The following SAAL1 variants were observed in gnomAD, a reference collection of about 807,000 sequenced individuals.
The protein encoded by SAAL1 is serum amyloid A like 1, also known as protein SAAL1.
SAAL1 carries 42 observed loss-of-function variants against 59.8 expected under a neutral mutation model. The ratio of observed to expected loss-of-function variants is 0.70; its 90% CI spans 0.55 to 0.91. The LOEUF is 0.91. Among genes scored for constraint, SAAL1 ranks in the 40% least tolerant of loss-of-function variants. The pLI, the probability that SAAL1 is intolerant of heterozygous loss-of-function variation, is 0.00. For synonymous variants in SAAL1, 191 were observed against 194.3 expected (o/e 0.98, Z 0.14); for missense variants, 542 against 561.1 (o/e 0.97, Z 0.34).
At chr11:18,090,321 T>C in intron 5 of SAAL1, 31 bp from the exon 6 acceptor site, 1 of 1,552,286 alleles carries the variant, frequency 6.4e-7, no homozygotes, top group Middle Eastern at 1.7e-4. Context: ...GAATTTCTAC[T>C]TTTCAAAAAA....
chr11:18,105,518 C>G (rs1848679747), intron 1 of SAAL1, among the ~76,000 whole-genome samples: 1 of 152,020 alleles, frequency 6.6e-6, no homozygotes, highest in African/African-American at 2.4e-5. Context: ...CTAAAGTCAC[C>G]ATTTATTCTA....
In SAAL1 at chr11:18,089,398, C is replaced by T; in HGVS notation, c.702G>A (p.Gln234=). The T allele has an allele frequency of 1.2e-6, 2 of 1,608,906 alleles. No individual in the cohort carries two copies. Among genetic ancestry groups the T allele is most frequent in the Non-Finnish European group, 1.7e-6 (2 of 1,178,312 alleles). The change falls in exon 7 of 12, where the codon CAG becomes CAA. Residue 234 remains glutamine, a synonymous_variant. Coordinates refer to ENST00000524803, the MANE Select transcript of SAAL1 (RefSeq NM_138421.3). ...ACACTGGCTGCTCTTCAGACTCTTC[C>T]TGGGGTTGGTCCAGAGGCTGAGCAG... ...NGAAQPLDQP[Q]EESEEQPVFR...
chr11:18,105,133 A>G (rs1017420461), intron 1 of SAAL1, among the ~76,000 whole-genome samples: 4 of 152,014 alleles, frequency 2.6e-5, no homozygotes, highest in African/African-American at 9.7e-5. Context: ...AGAGGTTCTG[A>G]GCCGTTAGGT....
intron 6 of SAAL1, 115 bp downstream of exon 6, chr11:18,090,060 T>C: frequency 2.0e-6 from 2 of 982,970 alleles, no homozygotes; most frequent in South Asian, 3.7e-5. Flanking sequence ...ACAAACTTCA[T>C]TACCTTGCAC....
At chr11:18,101,279 T>C (rs1848630668) in intron 2 of SAAL1, among the ~76,000 whole-genome samples, 1 of 152,184 alleles carries the variant, frequency 6.6e-6, no homozygotes, top group African/African-American at 2.4e-5. Flanking sequence ...CCACTTGATA[T>C]ATGGTCTGGC....
chr11:18,081,699 GCAC>G lies in SAAL1; in HGVS notation c.1240-199_1240-197del, dbSNP rs375626941. 1,487 of 570,540 alleles carry G rather than the reference GCAC, an allele frequency of 2.6e-3. 19 individuals carry two copies. Among genetic ancestry groups the G allele is most frequent in the African/African-American group, 0.025 (1,337 of 53,296 alleles). 35.3% of individuals were successfully genotyped at this position (570,540 alleles called of 1,614,324 possible). ...ACTGTCGTCTTTACTTTAGTGAAGG[GCAC>G]CACCATCCACCCTGCTACACAGACT... On this transcript the variant is annotated intron_variant, in intron 10 of 11. Transcript: ENST00000524803.
intron 9 of SAAL1, 40 bp downstream of exon 9, chr11:18,086,826 T>C: frequency 7.6e-7 from 1 of 1,307,958 alleles, no homozygotes; most frequent in Non-Finnish European, 1.0e-6. Flanking sequence ...GAGAAATAAA[T>C]GAAATGAAAA....
intron 4 of SAAL1, among the ~76,000 whole-genome samples, chr11:18,091,129 TC>T (rs1329703217): frequency 6.6e-6 from 1 of 152,220 alleles, no homozygotes; most frequent in Non-Finnish European, 1.5e-5. Flanking sequence ...TTTCAAGCAA[TC>T]CTCCTACAAT....
chr11:18,098,072 G>A (rs770511753), intron 2 of SAAL1, among the ~76,000 whole-genome samples: 11 of 152,138 alleles, frequency 7.2e-5, no homozygotes, highest in South Asian at 4.1e-4. Context: ...GCTTGAACCC[G>A]TGAGGCAGAG....
At chr11:18,082,382 A>G (rs1467060356) in intron 10 of SAAL1, among the ~76,000 whole-genome samples, 1 of 152,208 alleles carries the variant, frequency 6.6e-6, no homozygotes, top group Non-Finnish European at 1.5e-5. Context: ...TATTACCTGA[A>G]CTTTGACATA....
At chr11:18,081,658 C>A in intron 10 of SAAL1, 155 bp from the exon 11 acceptor site, 1 of 614,994 alleles carries the variant, frequency 1.6e-6, no homozygotes, top group East Asian at 2.8e-5. Flanking sequence ...GCTTATGTAA[C>A]CCAAACATGT....
At chr11:18,090,665 C>A in intron 4 of SAAL1, 172 bp from the exon 5 acceptor site, 1 of 664,748 alleles carries the variant, frequency 1.5e-6, no homozygotes, top group Non-Finnish European at 2.4e-6. Context: ...ACTCGTGTTT[C>A]CAAGAAACAG....
rs117659893 is a variant in SAAL1, at chr11:18,103,441, G to A, written c.136-95C>T. ...GCAGGTGATCAAATAACATTTCCTCGTAACGCTGATGAGAAAAAAATTTGA... is the reference window on the plus strand; with the variant it reads ...GCAGGTGATCAAATAACATTTCCTCATAACGCTGATGAGAAAAAAATTTGA... On this transcript the variant is annotated intron_variant, in intron 1 of 11. Coordinates refer to ENST00000524803, the MANE Select transcript of SAAL1 (RefSeq NM_138421.3). 4.2e-3 allele frequency: 4,061 copies of A among 958,644 alleles called. 23 individuals are homozygous for A. Among genetic ancestry groups the A allele is most frequent in the Non-Finnish European group, 5.5e-3 (3,296 of 603,236 alleles). 59.4% of individuals were successfully genotyped at this position (958,644 alleles called of 1,614,324 possible). A position where few individuals can be genotyped will look rare whatever the true frequency, so the allele number is the denominator to read the frequency against.
chr11:18,094,017 T>TCCATCTGACCA (rs1337614985), intron 3 of SAAL1: 2 of 152,212 alleles, frequency 1.3e-5, no homozygotes, highest in Non-Finnish European at 2.9e-5. Flanking sequence ...GGTACAGTGT[T>TCCATCTGACCA]TCCAACCTTG....
At chr11:18,100,128 TTGTTTA>T in intron 2 of SAAL1, among the ~76,000 whole-genome samples, 1 of 152,216 alleles carries the variant, frequency 6.6e-6, no homozygotes, top group Non-Finnish European at 1.5e-5. Context: ...TTAAAAAAAT[TTGTTTA>T]ACCATAATTT....
In SAAL1 at chr11:18,081,424, AAAGG is replaced by A; in HGVS notation, c.1315_1318del (p.Pro439SerfsTer31). 1 of 1,613,782 alleles carries A rather than the reference AAAGG, an allele frequency of 6.2e-7. No individual in the cohort carries two copies. Among genetic ancestry groups the A allele is most frequent in the Non-Finnish European group, 8.5e-7 (1 of 1,179,688 alleles). ...ACCCATACTCACCACAGGGCTATAGAAAGGAAGAAGGTTTTGAAATGCAGAGGAA... is the reference window on the plus strand; with the variant it reads ...ACCCATACTCACCACAGGGCTATAGAAAGAAGGTTTTGAAATGCAGAGGAA... On this transcript the variant is annotated frameshift_variant, in exon 11 of 12. Transcript: ENST00000524803. LOFTEE classifies it high-confidence loss of function.
intron 10 of SAAL1, chr11:18,083,321 T>C (rs1033109593): frequency 1.4e-5 from 5 of 362,072 alleles, no homozygotes; most frequent in Non-Finnish European, 2.5e-5. Context: ...TAAAAACACA[T>C]GCATGCAAAC....
rs556319288 is a variant in SAAL1 at position 18,086,798 on chromosome 11, A to G, written c.1042+68T>C. The stretch of plus-strand genomic sequence containing the variant: ...TAATGTTTTTATAATTAGGGAAATG[A>G]AAGCATTTTTTAAAAGGGAGAAATA... On this transcript the variant is annotated intron_variant, in intron 9 of 11. Coordinates refer to ENST00000524803, the MANE Select transcript of SAAL1 (RefSeq NM_138421.3). The G allele has an allele frequency of 1.4e-4, 147 of 1,073,516 alleles. No individual in the cohort carries two copies. The African/African-American group carries it at 2.2e-3, about 16-fold the overall frequency. 66.5% of individuals were successfully genotyped at this position (1,073,516 alleles called of 1,614,324 possible).
chr11:18,093,427 T>C (rs1198178855), intron 3 of SAAL1, among the ~76,000 whole-genome samples: 1 of 152,146 alleles, frequency 6.6e-6, no homozygotes, highest in African/African-American at 2.4e-5. Context: ...TTCAGTACTA[T>C]CCTCGGTTTT....
Sources: gnomAD v4.1 joint callset for allele counts (sites outside exome capture counted in the v4.1 genomes callset) on GRCh38, gnomAD v4.1.1 for gene constraint, MANE v1.5 for transcripts, NCBI Gene and HGNC (gene_info 2026-07-23, HGNC 2026-07-21) for gene names.